A4GNT: variants seen among roughly 807,000 people sequenced by gnomAD.
A4GNT encodes alpha-1,4-N-acetylglucosaminyltransferase.
In A4GNT, 6 loss-of-function variants were observed where a neutral mutation model predicts 8.3. That is an observed-to-expected ratio of 0.72 (90% CI 0.39 to 1.42). The LOEUF (loss-of-function observed/expected upper bound fraction) is 1.42. Ranked by LOEUF, A4GNT falls within the 40% of genes most tolerant of loss-of-function variation. The probability of loss-of-function intolerance (pLI) is 0.02; values close to 1 mark genes in which losing one functional copy is unlikely to be tolerated. For missense variants in A4GNT, 377 were observed against 417.0 expected, an observed-to-expected ratio of 0.90 and a Z score of 0.84; for synonymous variants, 157 against 159.8, an observed-to-expected ratio of 0.98 and a Z score of 0.13.
rs776256364 is a variant in A4GNT, at chr3:138,124,672, C to T, written c.615G>A (p.Trp205Ter). The change falls in exon 3 of 3, where the codon TGG becomes TGA. Residue 205 changes from tryptophan (W) to a stop codon, truncating the protein, a stop_gained. Transcript: ENST00000236709. LOFTEE classifies it low-confidence loss of function (END_TRUNC). The part of the protein sequence containing the change: ...FGFLPHHPFL[W>*]ECMENFVEHY... ...GTTCAACAAAGTTTTCCATGCATTCCCACAAAAAGGGGTGGTGGGGGAGGA... is the reference window on the plus strand; with the variant it reads ...GTTCAACAAAGTTTTCCATGCATTCTCACAAAAAGGGGTGGTGGGGGAGGA... 7 of 1,614,148 alleles carry T rather than the reference C, an allele frequency of 4.3e-6. No homozygotes were observed. The highest frequency in any genetic ancestry group is 5.9e-6 in the Non-Finnish European group (7 of 1,180,040).
intron 2 of A4GNT, among the ~76,000 whole-genome samples, chr3:138,129,821 G>A (rs2042765782): frequency 6.6e-6 from 1 of 152,298 alleles, no homozygotes; most frequent in South Asian, 2.1e-4. Context: ...TTGAGACAGA[G>A]TCTCGCTATG....
rs2042745660 is a variant in A4GNT, at chr3:138,126,550, G to A, written c.409-1672C>T. ...GTTAAAAATTGTCACATTGTGCTGGGCATGGTGGCTCACACCTGTAATCCC... is the reference window on the plus strand; with the variant it reads ...GTTAAAAATTGTCACATTGTGCTGGACATGGTGGCTCACACCTGTAATCCC... On this transcript the variant is annotated intron_variant, in intron 2 of 2. Transcript: ENST00000236709. Among the ~76,000 whole-genome samples, 3 of 41,128 alleles carry A rather than the reference G, an allele frequency of 7.3e-5. 1 individual carries two copies. The highest frequency in any genetic ancestry group is 1.3e-4 in the Non-Finnish European group (2 of 15,858). The allele number at this position is 41,128 out of a possible 152,430, so 27.0% of individuals were successfully genotyped here. A position where few individuals can be genotyped will look rare whatever the true frequency, so the allele number is the denominator to read the frequency against.
chr3:138,128,803 C>T (rs1018318660), intron 2 of A4GNT, among the ~76,000 whole-genome samples: 2 of 152,010 alleles, frequency 1.3e-5, no homozygotes, highest in African/African-American at 2.4e-5. Flanking sequence ...CCCCTCTGCC[C>T]GCCCTGCCAC....
At chr3:138,130,772 T>C in intron 2 of A4GNT, 77 bp downstream of exon 2, 1 of 1,514,704 alleles carries the variant, frequency 6.6e-7, no homozygotes, top group Non-Finnish European at 8.9e-7. Flanking sequence ...TCTATTCCCA[T>C]CTCCGACCTG....
At position 138,124,076 on chromosome 3, in the gene A4GNT, G is replaced by T; in HGVS notation, c.*188C>A. The T allele has an allele frequency of 1.4e-6, 1 of 726,354 alleles. No homozygotes were observed. Among genetic ancestry groups the T allele is most frequent in the Non-Finnish European group, 2.2e-6 (1 of 463,550 alleles). 45.0% of individuals were successfully genotyped at this position (726,354 alleles called of 1,614,324 possible). On this transcript the variant is annotated 3_prime_UTR_variant, in exon 3 of 3. Coordinates refer to ENST00000236709, the MANE Select transcript of A4GNT (RefSeq NM_016161.3). ...GAGGTCAAGCAGTCAAATGGACCAT[G>T]GGTGTATGTTTTATAGCCAGTATCA...
intron 2 of A4GNT, among the ~76,000 whole-genome samples, chr3:138,126,119 G>A (rs1009166325): frequency 2.6e-5 from 4 of 152,152 alleles, no homozygotes; most frequent in African/African-American, 7.2e-5. Flanking sequence ...GTTGGGAGTC[G>A]GTTGACATAA....
Position 138,124,176 on chromosome 3 carries a change from G to A in A4GNT, c.*88C>T, listed in dbSNP as rs1564496. On this transcript the variant is annotated 3_prime_UTR_variant, in exon 3 of 3. Coordinates refer to ENST00000236709, the MANE Select transcript of A4GNT (RefSeq NM_016161.3). The stretch of plus-strand genomic sequence containing the variant: ...TGAGAGGCAACCCTCTGCCCACCCC[G>A]CCAAGAGACAGTGGAGATCAAGTGA... The A allele has an allele frequency of 4.7e-4, 707 of 1,513,012 alleles. 4 individuals carry two copies. The African/African-American group carries it at 8.4e-3, about 18-fold the overall frequency. 93.7% of individuals were successfully genotyped at this position (1,513,012 alleles called of 1,614,324 possible).
chr3:138,124,340 C>T lies in A4GNT; in HGVS notation c.947G>A (p.Cys316Tyr), dbSNP rs953566772. ...TLVENLYRKH[C>Y]PRTYRDLIKG... is the part of the protein sequence containing the mutation. ...AATCAGGTCCCTGTAAGTCCTGGGACAGTGCTTGCGATAGAGATTTTCCAC... is the reference window on the plus strand; with the variant it reads ...AATCAGGTCCCTGTAAGTCCTGGGATAGTGCTTGCGATAGAGATTTTCCAC... Residue 316 changes from cysteine to tyrosine, a missense_variant, in exon 3 of 3, where the codon TGT becomes TAT. Physicochemically the swap from Cys to Tyr is radical, Grantham distance 194 (BLOSUM62 -2). Transcript: ENST00000236709. 2.5e-6 allele frequency: 4 copies of T among 1,614,128 alleles called. No individual in the cohort carries two copies. The highest frequency in any genetic ancestry group is 3.4e-6 in the Non-Finnish European group (4 of 1,180,048).
At chr3:138,130,787 C>T in intron 2 of A4GNT, 62 bp downstream of exon 2, 1 of 1,552,968 alleles carries the variant, frequency 6.4e-7, no homozygotes. Flanking sequence ...GACCTGAGTC[C>T]TTACCCTCAG....
rs1455311353 is a variant in A4GNT at position 138,124,035 on chromosome 3, C to G, written c.*229G>C. ...TTTCTTCATCCTACTGCCTGAAATGCAAACATGGTGGGTTGGAGGTCAAGC... is the reference window on the plus strand; with the variant it reads ...TTTCTTCATCCTACTGCCTGAAATGGAAACATGGTGGGTTGGAGGTCAAGC... On this transcript the variant is annotated 3_prime_UTR_variant, in exon 3 of 3. Transcript: ENST00000236709. The G allele has an allele frequency of 1.1e-5, 6 of 525,426 alleles. No individual in the cohort carries two copies. The highest frequency in any genetic ancestry group is 3.6e-5 in the Admixed American group (1 of 27,438). 32.5% of individuals were successfully genotyped at this position (525,426 alleles called of 1,614,324 possible).
At chr3:138,126,105 G>A (rs896155847) in intron 2 of A4GNT, among the ~76,000 whole-genome samples, 1 of 152,180 alleles carries the variant, frequency 6.6e-6, no homozygotes, top group Non-Finnish European at 1.5e-5. Flanking sequence ...AGAAGCAAAC[G>A]CAAGTTGGGA....
At chr3:138,129,864 C>T (rs1425762139) in intron 2 of A4GNT, among the ~76,000 whole-genome samples, 2 of 152,176 alleles carry the variant, frequency 1.3e-5, no homozygotes, top group Non-Finnish European at 2.9e-5. Context: ...TCCTGGGCTC[C>T]AGCGATCCTC....
At chr3:138,128,294 G>A (rs976925060) in intron 2 of A4GNT, among the ~76,000 whole-genome samples, 3 of 152,094 alleles carry the variant, frequency 2.0e-5, no homozygotes, top group Non-Finnish European at 4.4e-5. Context: ...ATCTGAGACT[G>A]GGTAATTTAT....
chr3:138,133,278 C>T (rs1398279878), upstream of A4GNT, among the ~76,000 whole-genome samples: 1 of 152,210 alleles, frequency 6.6e-6, no homozygotes, highest in African/African-American at 2.4e-5. Flanking sequence ...GCTTGTAGGT[C>T]TCCACAAACC....
At chr3:138,133,141 G>A (rs185799739), upstream of A4GNT, among the ~76,000 whole-genome samples, 4 of 152,320 alleles carry the variant, frequency 2.6e-5, no homozygotes, top group East Asian at 7.7e-4. Flanking sequence ...GCTCTAGTGT[G>A]AGCAGGTAGG....
chr3:138,130,953 A>G lies in A4GNT; in HGVS notation c.304T>C (p.Tyr102His), dbSNP rs1285653184. Residue 102 changes from tyrosine to histidine, a missense_variant, in exon 2 of 3, where the codon TAC (tyrosine) becomes CAC (histidine). Physicochemically the swap from Tyr to His is moderately conservative, Grantham distance 83. Coordinates refer to ENST00000236709, the MANE Select transcript of A4GNT (RefSeq NM_016161.3). The stretch of plus-strand genomic sequence containing the variant: ...GCTGACAGGAAGGAAAAAGCTGGGT[A>G]TGTGGAGTTTGAGGGCATCGGTGTG... The part of the protein sequence containing the change: ...DSTPMPSNST[Y>H]PAFSFLSAID... The G allele has an allele frequency of 1.2e-6, 2 of 1,614,172 alleles. No individual in the cohort carries two copies. Among genetic ancestry groups the G allele is most frequent in the Non-Finnish European group, 1.7e-6 (2 of 1,180,018 alleles).
Position 138,124,225 on chromosome 3 carries a change from C to T in A4GNT, c.*39G>A, listed in dbSNP as rs1272469706. 1.1e-5 allele frequency: 18 copies of T among 1,580,084 alleles called. 1 individual carries two copies. In the Admixed American group the frequency reaches 1.6e-4, roughly 14 times the overall value. On this transcript the variant is annotated 3_prime_UTR_variant, in exon 3 of 3. Transcript: ENST00000236709. ...GAAAATGTGGCACTCCAGGAAATGT[C>T]CATTTCCACACTGCAGCAGCAGCAA...
rs2042782707 is a variant in A4GNT, at chr3:138,132,280, G to A, written c.-95C>T. On this transcript the variant is annotated 5_prime_UTR_variant, in exon 1 of 3. Coordinates refer to ENST00000236709, the MANE Select transcript of A4GNT (RefSeq NM_016161.3). Reference sequence around the variant, plus strand: ...GAACACAGATCTCACGTCTTGGCAGGTCTATCTTTCAAATTACATATAACC... The same window carrying A: ...GAACACAGATCTCACGTCTTGGCAGATCTATCTTTCAAATTACATATAACC... The A allele has an allele frequency of 6.6e-6, 1 of 152,180 alleles. No individual in the cohort carries two copies. The highest frequency in any genetic ancestry group is 1.5e-5 in the Non-Finnish European group (1 of 68,044). The allele number at this position is 152,180 out of a possible 1,614,324, so 9.4% of individuals were successfully genotyped here. A position where few individuals can be genotyped will look rare whatever the true frequency, so the allele number is the denominator to read the frequency against.
At chr3:138,132,816 A>G (rs184681791), upstream of A4GNT, among the ~76,000 whole-genome samples, 2 of 152,304 alleles carry the variant, frequency 1.3e-5, no homozygotes, top group African/African-American at 4.8e-5. Flanking sequence ...GCAATGAACA[A>G]AGCCCTGCAG....
Sources: allele counts gnomAD v4.1 joint callset (sites outside exome capture counted in the v4.1 genomes callset), GRCh38; gene constraint gnomAD v4.1.1; transcripts MANE v1.5; gene names NCBI Gene and HGNC (gene_info 2026-07-23, HGNC 2026-07-21).